Variants in CACHD1 observed in about 807,000 individuals in gnomAD.
The protein encoded by CACHD1 is cache domain containing 1, also known as VWFA and cache domain-containing protein 1.
A neutral mutation model predicts 138.7 loss-of-function variants in CACHD1; 71 were observed. The observed-to-expected ratio is 0.51, with a 90% CI of 0.42 to 0.62. The LOEUF (loss-of-function observed/expected upper bound fraction) is 0.62. CACHD1 is among the 20% of genes least tolerant of loss of function. The pLI is 0.00. For synonymous variants in CACHD1, 578 were observed against 591.5 expected (o/e 0.98, Z 0.33); for missense variants, 1,389 against 1,625.3 (o/e 0.85, Z 2.50).
intron 1 of CACHD1, among the ~76,000 whole-genome samples, chr1:64,495,867 G>T (rs1416507111): frequency 6.6e-6 from 1 of 151,692 alleles, no homozygotes; most frequent in East Asian, 1.9e-4. Context: ...CTTTCACAAA[G>T]AAATACAACA....
intron 1 of CACHD1, among the ~76,000 whole-genome samples, chr1:64,507,188 T>C (rs914628057): frequency 6.6e-6 from 1 of 152,244 alleles, no homozygotes; most frequent in Non-Finnish European, 1.5e-5. Context: ...GGATCACAGC[T>C]ACCTCCCCGG....
intron 1 of CACHD1, among the ~76,000 whole-genome samples, chr1:64,527,334 A>C (rs991198517): frequency 6.6e-6 from 1 of 152,170 alleles, no homozygotes; most frequent in African/African-American, 2.4e-5. Context: ...TTCAGTCCTG[A>C]AACATTGTGA....
chr1:64,523,317 T>G (rs1164433566), intron 1 of CACHD1, among the ~76,000 whole-genome samples: 6 of 151,950 alleles, frequency 3.9e-5, no homozygotes, highest in African/African-American at 1.5e-4. Flanking sequence ...TATGTGGGGG[T>G]TTATTATACT....
At chr1:64,542,500 T>C (rs1646684520) in intron 1 of CACHD1, among the ~76,000 whole-genome samples, 1 of 152,162 alleles carries the variant, frequency 6.6e-6, no homozygotes, top group Admixed American at 6.6e-5. Flanking sequence ...AGAAAGCTCT[T>C]GAGGTGGTGT....
At chr1:64,640,249 T>C (rs1294337847) in intron 7 of CACHD1, among the ~76,000 whole-genome samples, 2 of 152,234 alleles carry the variant, frequency 1.3e-5, no homozygotes, top group African/African-American at 4.8e-5. Flanking sequence ...GGGACCAAGT[T>C]TGAGGTTGCC....
intron 1 of CACHD1, among the ~76,000 whole-genome samples, chr1:64,505,572 ACC>A (rs1445522422): frequency 2.7e-5 from 1 of 36,960 alleles, no homozygotes; most frequent in Non-Finnish European, 5.0e-5. Context: ...TCTGGGGCAC[ACC>A]CCGCCCCGCC....
At chr1:64,665,321 G>A (rs1649593917) in intron 15 of CACHD1, among the ~76,000 whole-genome samples, 1 of 151,988 alleles carries the variant, frequency 6.6e-6, no homozygotes, top group African/African-American at 2.4e-5. Context: ...TTAGTTGGGT[G>A]TGGTGGTACA....
chr1:64,565,421 G>T (rs985064945), intron 2 of CACHD1, among the ~76,000 whole-genome samples: 2 of 152,176 alleles, frequency 1.3e-5, no homozygotes, highest in Non-Finnish European at 2.9e-5. Context: ...ATCAAGCAAG[G>T]ACCAGAGTAA....
intron 2 of CACHD1, among the ~76,000 whole-genome samples, chr1:64,565,788 A>G (rs892561200): frequency 4.6e-5 from 7 of 152,296 alleles, no homozygotes; most frequent in South Asian, 2.1e-4. Context: ...TTATTATCCT[A>G]TTTTCCATAG....
In CACHD1 at chr1:64,673,417, A is replaced by G. The variant is rs370881190; in HGVS notation, c.2680A>G (p.Ser894Gly). 6.2e-7 allele frequency: 1 copy of G among 1,614,192 alleles called. No homozygotes were observed. Among genetic ancestry groups the G allele is most frequent in the Non-Finnish European group, 8.5e-7 (1 of 1,180,008 alleles). Residue 894 changes from serine to glycine, a missense_variant, in exon 19 of 27, where the codon AGT (serine) becomes GGT (glycine). Ser to Gly is a moderately conservative substitution (Grantham distance 56). Transcript: ENST00000651257. ...AAAGAAAAACCTGTGCAACAGCTTC[A>G]GTGACAGAACGGTCCAGAGGTTTTA... ...FVKKNLCNSF[S>G]DRTVQRFYKF...
At chr1:64,566,685 T>A (rs1003363239) in intron 2 of CACHD1, among the ~76,000 whole-genome samples, 7 of 151,896 alleles carry the variant, frequency 4.6e-5, no homozygotes, top group Non-Finnish European at 7.4e-5. Context: ...GGCTTTTTTT[T>A]AAATGGTCTA....
In CACHD1 at chr1:64,470,586, G is replaced by GC. The variant is rs1417917771; in HGVS notation, c.-154dup. 6.6e-6 allele frequency among the ~76,000 whole-genome samples: 1 copy of GC among 151,874 alleles called. No individual in the cohort carries two copies. Among genetic ancestry groups the GC allele is most frequent in the African/African-American group, 2.4e-5 (1 of 41,406 alleles). ...CCGCGCTCCCGCGCTGTAGCCGGGC[G>GC]CCCCCTAAGTTTGGGAGCCTTCGCC... is the stretch of plus-strand genomic sequence containing the variant. On this transcript the variant is annotated 5_prime_UTR_variant, in exon 1 of 27. Transcript: ENST00000651257. This position sits in a 1 kb window ranked among gnomAD's most constrained non-coding sequence, Gnocchi z 5.2.
rs972694985 is a variant in CACHD1 at position 64,589,986 on chromosome 1, G to A, written c.410+7682G>A. ...CTAAACTCTCACAGAACTTTCTACC[G>A]TATTCTCCTACACAGCTTCTCTTAA... On this transcript the variant is annotated intron_variant, in intron 3 of 26. Transcript: ENST00000651257. Among the ~76,000 whole-genome samples the A allele has an allele frequency of 3.9e-5, 6 of 151,972 alleles. No individual in the cohort carries two copies. The East Asian group carries it at 5.8e-4, about 15-fold the overall frequency.
intron 1 of CACHD1, among the ~76,000 whole-genome samples, chr1:64,530,479 C>A (rs1039614696): frequency 6.6e-6 from 1 of 152,068 alleles, no homozygotes; most frequent in African/African-American, 2.4e-5. Context: ...GGGAAACATA[C>A]CTTTAGCCTT....
chr1:64,606,433 A>T (rs895460619), intron 4 of CACHD1, among the ~76,000 whole-genome samples: 6 of 152,148 alleles, frequency 3.9e-5, no homozygotes, highest in Admixed American at 1.3e-4. Context: ...AGGCCACTGT[A>T]ACTGTGGTGG....
At chr1:64,585,454 G>A (rs938531216) in intron 3 of CACHD1, among the ~76,000 whole-genome samples, 7 of 152,164 alleles carry the variant, frequency 4.6e-5, no homozygotes, top group African/African-American at 1.7e-4. Flanking sequence ...GACCTTAACT[G>A]TACCCCTAGA....
At chr1:64,527,179 G>A (rs145721726) in intron 1 of CACHD1, among the ~76,000 whole-genome samples, 127 of 152,222 alleles carry the variant, frequency 8.3e-4, no homozygotes, top group Admixed American at 6.5e-4. Flanking sequence ...ACCACGGAGC[G>A]GCACAGGGAC....
At chr1:64,583,770 G>A (rs948166435) in intron 3 of CACHD1, among the ~76,000 whole-genome samples, 1 of 152,150 alleles carries the variant, frequency 6.6e-6, no homozygotes, top group Non-Finnish European at 1.5e-5. Flanking sequence ...TATGGTGGCA[G>A]GAAAGAGTGT....
At position 64,511,868 on chromosome 1, in the gene CACHD1, C is replaced by T. The variant is rs181576483; in HGVS notation, c.199-38726C>T. On this transcript the variant is annotated intron_variant, in intron 1 of 26. Transcript: ENST00000651257. ...CTTGAAATGGGCTTTCTCAGCTTATCAGCTGTGTCCTTTTCTCATCTGAAC... is the reference window on the plus strand; with the variant it reads ...CTTGAAATGGGCTTTCTCAGCTTATTAGCTGTGTCCTTTTCTCATCTGAAC... Among the ~76,000 whole-genome samples the T allele has an allele frequency of 3.6e-3, 554 of 152,314 alleles. 1 individual carries two copies. Among genetic ancestry groups the T allele is most frequent in the African/African-American group, 0.013 (530 of 41,564 alleles).
Sources: allele counts gnomAD v4.1 joint callset (sites outside exome capture counted in the v4.1 genomes callset), GRCh38; gene constraint gnomAD v4.1.1; non-coding constraint Gnocchi (gnomAD v3.1); transcripts MANE v1.5; gene names NCBI Gene and HGNC (gene_info 2026-07-23, HGNC 2026-07-21).